The following LIMS1 variants were observed in gnomAD, a reference collection of about 807,000 sequenced individuals.
The protein encoded by LIMS1 is LIM zinc finger domain containing 1.
In LIMS1, 18 loss-of-function variants were observed where a neutral mutation model predicts 44.1. That is an observed-to-expected ratio of 0.41 (90% CI 0.28 to 0.61). The LOEUF (loss-of-function observed/expected upper bound fraction) is 0.61, where lower values mean the gene tolerates loss of function less well. Ranked by LOEUF, LIMS1 falls within the 20% of genes least tolerant of loss-of-function variation. The pLI is 0.32. For synonymous variants in LIMS1, 93 were observed against 149.1 expected (o/e 0.62, Z 2.74); for missense variants, 201 against 422.0 (o/e 0.48, Z 4.59).
intron 1 of LIMS1, among the ~76,000 whole-genome samples, chr2:108,621,619 G>A (rs955505054): frequency 2.0e-5 from 3 of 152,222 alleles, no homozygotes; most frequent in African/African-American, 7.2e-5. Context: ...AGATTGTACT[G>A]ATTGGAACTG....
At chr2:108,664,241 A>G (rs372298987) in intron 2 of LIMS1, among the ~76,000 whole-genome samples, 2 of 152,226 alleles carry the variant, frequency 1.3e-5, no homozygotes, top group East Asian at 3.8e-4. Context: ...TAAAGTACCA[A>G]AGGAAGATTT....
intron 1 of LIMS1, among the ~76,000 whole-genome samples, chr2:108,649,145 C>A (rs954216669): frequency 2.0e-5 from 3 of 152,074 alleles, no homozygotes; most frequent in Non-Finnish European, 2.9e-5. Flanking sequence ...AAGAAAAAAA[C>A]CCCATCAAAA....
Position 108,664,723 on chromosome 2 carries a change from C to CA in LIMS1, c.192+4960dup, listed in dbSNP as rs575185161. Among the ~76,000 whole-genome samples the CA allele has an allele frequency of 5.8e-4, 89 of 152,158 alleles. 1 individual carries two copies. In the South Asian group the frequency reaches 0.017, roughly 29 times the overall value. ...GCTATACTATGTTTGATCATTTCTA[C>CA]ACACTGTAGAAAAGAGGCAGCTCAT... On this transcript the variant is annotated intron_variant, in intron 2 of 9. Transcript: ENST00000544547.
chr2:108,665,342 A>C (rs573021552), intron 2 of LIMS1, among the ~76,000 whole-genome samples: 1 of 152,108 alleles, frequency 6.6e-6, no homozygotes, highest in East Asian at 1.9e-4. Context: ...TTGTAACACA[A>C]TGGTGAGTAT....
intron 1 of LIMS1, among the ~76,000 whole-genome samples, chr2:108,578,829 C>G (rs575335747): frequency 6.6e-6 from 1 of 152,004 alleles, no homozygotes; most frequent in Non-Finnish European, 1.5e-5. Flanking sequence ...CTCCTGACCT[C>G]GTGATCTGTC....
intron 1 of LIMS1, among the ~76,000 whole-genome samples, chr2:108,649,898 A>G (rs1297924501): frequency 6.6e-6 from 1 of 152,156 alleles, no homozygotes. Context: ...GCAAACCACC[A>G]TGGCACATGT....
At chr2:108,534,851 T>A (rs1336111978) in intron 1 of LIMS1, among the ~76,000 whole-genome samples, 1 of 152,102 alleles carries the variant, frequency 6.6e-6, no homozygotes, top group Non-Finnish European at 1.5e-5. Flanking sequence ...CTCCGAGAGT[T>A]CCATAAGACA....
At chr2:108,656,419 CTAAT>C (rs1392068931) in intron 1 of LIMS1, among the ~76,000 whole-genome samples, 1 of 151,902 alleles carries the variant, frequency 6.6e-6, no homozygotes, top group African/African-American at 2.4e-5. Context: ...GAAAAATTAG[CTAAT>C]TAATTATAAC....
chr2:108,674,361 G>A (rs1472145235), intron 5 of LIMS1, among the ~76,000 whole-genome samples: 3 of 151,992 alleles, frequency 2.0e-5, no homozygotes, highest in South Asian at 2.1e-4. Context: ...ATTCTTTACT[G>A]TAGTTAATGT....
At chr2:108,662,814 T>C (rs1691470514) in intron 2 of LIMS1, 1 of 835,202 alleles carries the variant, frequency 1.2e-6, no homozygotes, top group Non-Finnish European at 1.4e-6. Context: ...ATCTTTGTTA[T>C]TGCTTTTGTC....
intron 1 of LIMS1, among the ~76,000 whole-genome samples, chr2:108,590,822 C>T (rs941756769): frequency 6.6e-6 from 1 of 152,212 alleles, no homozygotes; most frequent in Admixed American, 6.5e-5. Flanking sequence ...CTACCCCCTG[C>T]CCTATTCCTT....
At chr2:108,552,147 A>G (rs988227149) in intron 1 of LIMS1, among the ~76,000 whole-genome samples, 70 of 145,602 alleles carry the variant, frequency 4.8e-4, no homozygotes, top group South Asian at 1.3e-3. Flanking sequence ...TAACTATATA[A>G]TTATAGTTAA....
chr2:108,574,376 A>C (rs1274344092), intron 1 of LIMS1, among the ~76,000 whole-genome samples: 1 of 152,230 alleles, frequency 6.6e-6, no homozygotes, highest in Non-Finnish European at 1.5e-5. Flanking sequence ...GCTTAGAGAC[A>C]GCTCTCCTTG....
chr2:108,635,429 TA>T (rs70956264), intron 1 of LIMS1, among the ~76,000 whole-genome samples: 56 of 86,694 alleles, frequency 6.5e-4, no homozygotes, highest in Middle Eastern at 8.8e-3. Context: ...ACTTCATCTC[TA>T]AAAAAAAAAA....
chr2:108,656,673 A>G (rs1239289193), intron 1 of LIMS1, among the ~76,000 whole-genome samples: 5 of 145,542 alleles, frequency 3.4e-5, no homozygotes, highest in Admixed American at 6.9e-5. Context: ...TATATATTAT[A>G]TTACCTCTAA....
intron 1 of LIMS1, among the ~76,000 whole-genome samples, chr2:108,566,979 A>G (rs1484702459): frequency 1.3e-5 from 2 of 152,212 alleles, no homozygotes; most frequent in Non-Finnish European, 2.9e-5. Context: ...GAACTTTTTC[A>G]TCTTGCAGAA....
chr2:108,663,891 A>T (rs182547481), intron 2 of LIMS1, among the ~76,000 whole-genome samples: 3 of 151,906 alleles, frequency 2.0e-5, no homozygotes, highest in African/African-American at 7.2e-5. Flanking sequence ...AGTAGCTGGG[A>T]TTACAGGCAG....
intron 7 of LIMS1, among the ~76,000 whole-genome samples, chr2:108,677,714 T>C (rs1445179187): frequency 6.6e-6 from 1 of 152,186 alleles, no homozygotes; most frequent in East Asian, 1.9e-4. Context: ...TATTCATTTA[T>C]CTATTTCTTA....
intron 1 of LIMS1, among the ~76,000 whole-genome samples, chr2:108,564,157 A>C (rs1040177417): frequency 1.4e-4 from 21 of 152,238 alleles, no homozygotes; most frequent in Middle Eastern, 6.8e-3. Flanking sequence ...ATCAGTCAGC[A>C]GTTGTCAACA....
Sources: gnomAD v4.1 joint callset for allele counts (sites outside exome capture counted in the v4.1 genomes callset) on GRCh38, gnomAD v4.1.1 for gene constraint, MANE v1.5 for transcripts, NCBI Gene and HGNC (gene_info 2026-07-23, HGNC 2026-07-21) for gene names.